SORCS3: variants seen among roughly 807,000 people sequenced by gnomAD.
SORCS3 encodes VPS10 domain-containing receptor SorCS3.
A neutral mutation model predicts 146.3 loss-of-function variants in SORCS3; 57 were observed. The ratio of observed to expected loss-of-function variants is 0.39; its 90% CI spans 0.31 to 0.49. SORCS3 has a LOEUF of 0.49. Among genes scored for constraint, SORCS3 ranks in the 20% least tolerant of loss-of-function variants. SORCS3 has a pLI of 0.92. For missense variants in SORCS3, 1,341 were observed against 1,575.5 expected, an observed-to-expected ratio of 0.85 and a Z score of 2.52; for synonymous variants, 653 against 618.5, an observed-to-expected ratio of 1.06 and a Z score of -0.83.
intron 1 of SORCS3, among the ~76,000 whole-genome samples, chr10:104,769,299 C>T (rs1316911671): frequency 1.3e-5 from 2 of 152,200 alleles, no homozygotes; most frequent in East Asian, 1.9e-4. Context: ...CAGGGTGAGG[C>T]CACTTCACAG....
At chr10:105,173,431 T>G (rs1258688942) in intron 13 of SORCS3, among the ~76,000 whole-genome samples, 2 of 152,202 alleles carry the variant, frequency 1.3e-5, no homozygotes, top group Admixed American at 1.3e-4. Flanking sequence ...CATGACTTCT[T>G]TCTTTTGCTC....
chr10:105,014,934 G>A (rs1402413373), intron 4 of SORCS3, among the ~76,000 whole-genome samples: 7 of 152,166 alleles, frequency 4.6e-5, no homozygotes, highest in African/African-American at 1.4e-4. Flanking sequence ...CCATAACTGT[G>A]AGAAGTAAAT....
chr10:104,804,751 T>C (rs937390073), intron 1 of SORCS3, among the ~76,000 whole-genome samples: 1 of 152,220 alleles, frequency 6.6e-6, no homozygotes, highest in Admixed American at 6.5e-5. Context: ...ATTTGGAGAT[T>C]TGATACCATT....
At chr10:105,042,544 A>G (rs1368165109) in intron 4 of SORCS3, among the ~76,000 whole-genome samples, 1 of 152,152 alleles carries the variant, frequency 6.6e-6, no homozygotes, top group African/African-American at 2.4e-5. Flanking sequence ...TCAAAAAGTA[A>G]GTGAACATGG....
chr10:104,670,619 T>G (rs992280367), intron 1 of SORCS3, among the ~76,000 whole-genome samples: 18 of 152,184 alleles, frequency 1.2e-4, no homozygotes, highest in Admixed American at 6.5e-5. Context: ...AGTATAAGTC[T>G]TCTAGATTTG....
At chr10:104,918,472 AATTAAAGCTTGG>A (rs2019055268) in intron 3 of SORCS3, among the ~76,000 whole-genome samples, 1 of 152,148 alleles carries the variant, frequency 6.6e-6, no homozygotes, top group Non-Finnish European at 1.5e-5. Flanking sequence ...TATGATCTTG[AATTAAAGCTTGG>A]TGCCATGTCC....
At chr10:104,973,681 C>G (rs1483652300) in intron 3 of SORCS3, among the ~76,000 whole-genome samples, 3 of 150,908 alleles carry the variant, frequency 2.0e-5, no homozygotes, top group East Asian at 1.9e-4. Flanking sequence ...AGGGTTTTTC[C>G]TGTCTCTGTT....
At chr10:105,092,358 TTTTTA>T (rs1048191187) in intron 6 of SORCS3, among the ~76,000 whole-genome samples, 1 of 152,172 alleles carries the variant, frequency 6.6e-6, no homozygotes, top group Non-Finnish European at 1.5e-5. Context: ...TCTTCTAGGT[TTTTTA>T]TTTTATTTTA....
intron 1 of SORCS3, among the ~76,000 whole-genome samples, chr10:104,650,284 C>T (rs183000641): frequency 6.6e-6 from 1 of 152,188 alleles, no homozygotes. Context: ...GGGAGTGTTG[C>T]CCTGGGAAAG....
chr10:105,011,019 G>A (rs77991827), intron 4 of SORCS3, among the ~76,000 whole-genome samples: 1,816 of 152,196 alleles, frequency 0.012, 33 homozygotes, highest in African/African-American at 0.041. Context: ...AAGGGGAAGG[G>A]CAGAGAAAAT....
At chr10:105,142,521 C>A (rs929816332) in intron 8 of SORCS3, among the ~76,000 whole-genome samples, 1 of 152,116 alleles carries the variant, frequency 6.6e-6, no homozygotes, top group Admixed American at 6.6e-5. Flanking sequence ...TTTCCTCAAG[C>A]CCCTGAACTT....
intron 7 of SORCS3, among the ~76,000 whole-genome samples, chr10:105,109,976 C>CT (rs2055848729): frequency 1.3e-5 from 2 of 151,172 alleles, no homozygotes; most frequent in South Asian, 2.1e-4. Flanking sequence ...TTTTCTATTT[C>CT]AGTTTTGTAG....
At chr10:104,956,436 G>A (rs1037767676) in intron 3 of SORCS3, among the ~76,000 whole-genome samples, 2 of 152,098 alleles carry the variant, frequency 1.3e-5, no homozygotes, top group African/African-American at 4.8e-5. Flanking sequence ...CTGTGTTTGC[G>A]CTCATCTCAT....
intron 1 of SORCS3, among the ~76,000 whole-genome samples, chr10:104,749,667 G>C (rs1010601603): frequency 6.6e-6 from 1 of 152,106 alleles, no homozygotes; most frequent in African/African-American, 2.4e-5. Context: ...CTTCCTCAAG[G>C]TTACACCACT....
intron 5 of SORCS3, among the ~76,000 whole-genome samples, chr10:105,047,989 A>G (rs1223966809): frequency 6.6e-6 from 1 of 152,126 alleles, no homozygotes; most frequent in African/African-American, 2.4e-5. Flanking sequence ...ATGAGATACC[A>G]TCTCACACCA....
intron 1 of SORCS3, among the ~76,000 whole-genome samples, chr10:104,753,207 C>T (rs1332830971): frequency 6.6e-6 from 1 of 152,148 alleles, no homozygotes; most frequent in African/African-American, 2.4e-5. Context: ...TGGGTCTTCC[C>T]CACAGAAGAA....
At chr10:105,169,041 A>G (rs1011344088) in intron 13 of SORCS3, among the ~76,000 whole-genome samples, 3 of 152,174 alleles carry the variant, frequency 2.0e-5, no homozygotes, top group African/African-American at 7.2e-5. Flanking sequence ...GGGACTTTCC[A>G]GGCACTGTTC....
At chr10:104,912,497 G>C (rs2018979310) in intron 2 of SORCS3, among the ~76,000 whole-genome samples, 2 of 152,156 alleles carry the variant, frequency 1.3e-5, no homozygotes, top group Admixed American at 1.3e-4. Context: ...TTGCTAGACT[G>C]TACCGTCTGC....
chr10:105,130,324 T>A (rs2056009713), intron 7 of SORCS3, among the ~76,000 whole-genome samples: 1 of 152,096 alleles, frequency 6.6e-6, no homozygotes, highest in South Asian at 2.1e-4. Context: ...GACCCTTTAT[T>A]GTATTTGAAG....
Sources: allele counts gnomAD v4.1 joint callset (sites outside exome capture counted in the v4.1 genomes callset), GRCh38; gene constraint gnomAD v4.1.1; transcripts MANE v1.5; gene names NCBI Gene and HGNC (gene_info 2026-07-23, HGNC 2026-07-21).